BAZ2B: variants seen among roughly 807,000 people sequenced by gnomAD.
BAZ2B encodes the protein bromodomain adjacent to zinc finger domain 2B, also known as bromodomain adjacent to zinc finger domain protein 2B.
BAZ2B carries 91 observed loss-of-function variants against 246.0 expected under a neutral mutation model. The ratio of observed to expected loss-of-function variants is 0.37; its 90% CI spans 0.31 to 0.44. BAZ2B has a LOEUF of 0.44. Ranked by LOEUF, BAZ2B falls within the 20% of genes least tolerant of loss-of-function variation. BAZ2B has a pLI of 1.00. For synonymous variants in BAZ2B, 855 were observed against 860.0 expected (o/e 0.99, Z 0.10); for missense variants, 2,332 against 2,533.7 (o/e 0.92, Z 1.71).
Position 159,491,720 on chromosome 2 carries a change from CAAAAAAAAAAAAA to C in BAZ2B, c.-2-13012_-2-13000del, listed in dbSNP as rs773067675. On this transcript the variant is annotated intron_variant, in intron 2 of 36. Coordinates refer to ENST00000392783, the MANE Select transcript of BAZ2B (RefSeq NM_013450.4). ...CGGGCGACAGAGCGAGACTCCGTCT[CAAAAAAAAAAAAA>C]AAAAAAAAAAAAAGTCTTCTGTTAA... Among the ~76,000 whole-genome samples, 9 of 29,556 alleles carry C rather than the reference CAAAAAAAAAAAAA, an allele frequency of 3.0e-4. 1 individual carries two copies. Among genetic ancestry groups the C allele is most frequent in the South Asian group, 2.9e-3 (1 of 350 alleles). The allele number at this position is 29,556 out of a possible 152,430, so 19.4% of individuals were successfully genotyped here. A position where few individuals can be genotyped will look rare whatever the true frequency, so the allele number is the denominator to read the frequency against.
intron 1 of BAZ2B, among the ~76,000 whole-genome samples, chr2:159,597,463 C>T (rs1402661511): frequency 6.6e-6 from 1 of 152,214 alleles, no homozygotes; most frequent in Non-Finnish European, 1.5e-5. Context: ...TCATTATGTC[C>T]TTGATCATCT....
At chr2:159,606,411 C>G (rs144810896) in intron 1 of BAZ2B, among the ~76,000 whole-genome samples, 1 of 152,162 alleles carries the variant, frequency 6.6e-6, no homozygotes, top group East Asian at 1.9e-4. Context: ...GACTTATACA[C>G]GGCTCCTGAT....
chr2:159,466,016 T>C (rs150074813), intron 3 of BAZ2B, among the ~76,000 whole-genome samples: 26 of 152,266 alleles, frequency 1.7e-4, no homozygotes, highest in Non-Finnish European at 3.2e-4. Flanking sequence ...GTTCAGAGTA[T>C]AACATAAATA....
intron 1 of BAZ2B, among the ~76,000 whole-genome samples, chr2:159,602,872 C>T (rs1692486128): frequency 6.6e-6 from 1 of 152,198 alleles, no homozygotes; most frequent in African/African-American, 2.4e-5. Context: ...CATTGTGGCT[C>T]ACACCTATAA....
Position 159,596,362 on chromosome 2 carries a change from G to A in BAZ2B, c.-46+19880C>T, listed in dbSNP as rs776298276. On this transcript the variant is annotated intron_variant, in intron 1 of 36. Coordinates refer to ENST00000392783, the MANE Select transcript of BAZ2B (RefSeq NM_013450.4). ...TTTTAGTATTTTTATAAAAATATGC[G>A]TGACACCACAGATCCTGTTAGAAGC... 9.7e-4 allele frequency among the ~76,000 whole-genome samples: 147 copies of A among 152,038 alleles called. 5 individuals carry two copies. The highest frequency in any genetic ancestry group is 3.1e-4 in the Non-Finnish European group (21 of 68,022).
chr2:159,669,863 C>T, the BAZ2B span, among the ~76,000 whole-genome samples: 12 of 152,006 alleles, frequency 7.9e-5, no homozygotes, highest in African/African-American at 1.2e-4. Context: ...AGTATTTAGA[C>T]GTTTAATATT....
the BAZ2B span, among the ~76,000 whole-genome samples, chr2:159,704,425 C>T: frequency 1.3e-5 from 2 of 151,602 alleles, no homozygotes; most frequent in Admixed American, 1.3e-4. Flanking sequence ...CTGGAGGACA[C>T]AGAGTTACCA....
intron 1 of BAZ2B, among the ~76,000 whole-genome samples, chr2:159,593,612 C>A (rs1385788855): frequency 6.6e-6 from 1 of 152,156 alleles, no homozygotes; most frequent in Non-Finnish European, 1.5e-5. Flanking sequence ...AATTGTGTGC[C>A]ATTTTGAGTG....
At chr2:159,622,263 CAAAAAAAAA>C in the BAZ2B span, among the ~76,000 whole-genome samples, 2 of 64,982 alleles carry the variant, frequency 3.1e-5, no homozygotes, top group Non-Finnish European at 5.8e-5. Context: ...AGTACTGTCT[CAAAAAAAAA>C]AAAAAAAAAA....
intron 1 of BAZ2B, among the ~76,000 whole-genome samples, chr2:159,563,776 G>A (rs1389863971): frequency 6.6e-6 from 1 of 152,126 alleles, no homozygotes; most frequent in African/African-American, 2.4e-5. Context: ...TAATGCCACT[G>A]AATACACTTT....
At chr2:159,330,523 C>T (rs1215492495) in intron 34 of BAZ2B, among the ~76,000 whole-genome samples, 1 of 152,082 alleles carries the variant, frequency 6.6e-6, no homozygotes, top group African/African-American at 2.4e-5. Context: ...ACAATAAGAG[C>T]ACTTTTGGAG....
intron 1 of BAZ2B, among the ~76,000 whole-genome samples, chr2:159,591,568 T>C (rs1272428434): frequency 1.3e-5 from 2 of 152,136 alleles, no homozygotes; most frequent in African/African-American, 4.8e-5. Context: ...AAGAAGGAAA[T>C]TGCAGTTCAT....
At chr2:159,456,606 A>T (rs1304626923) in intron 3 of BAZ2B, among the ~76,000 whole-genome samples, 1 of 152,214 alleles carries the variant, frequency 6.6e-6, no homozygotes, top group African/African-American at 2.4e-5. Context: ...ATAGATCTGT[A>T]CACAAGAATG....
the BAZ2B span, among the ~76,000 whole-genome samples, chr2:159,661,886 C>T: frequency 1.3e-5 from 2 of 152,086 alleles, no homozygotes; most frequent in African/African-American, 4.8e-5. Flanking sequence ...GCTGGGACTA[C>T]AGGAGTAAGC....
At chr2:159,565,043 G>T (rs956832038) in intron 1 of BAZ2B, among the ~76,000 whole-genome samples, 1 of 152,094 alleles carries the variant, frequency 6.6e-6, no homozygotes, top group African/African-American at 2.4e-5. Flanking sequence ...GCTAATTTTT[G>T]TAATTTTAGT....
chr2:159,601,815 G>A (rs897904405), intron 1 of BAZ2B, among the ~76,000 whole-genome samples: 2 of 152,086 alleles, frequency 1.3e-5, no homozygotes. Flanking sequence ...CATAAAAAAA[G>A]TTTAAGTACT....
intron 2 of BAZ2B, among the ~76,000 whole-genome samples, chr2:159,552,676 T>C (rs901277394): frequency 1.3e-5 from 2 of 152,196 alleles, no homozygotes; most frequent in Non-Finnish European, 2.9e-5. Flanking sequence ...TGTATTAATA[T>C]CCTTATTTCA....
chr2:159,577,283 G>A (rs1022098620), intron 1 of BAZ2B, among the ~76,000 whole-genome samples: 5 of 152,048 alleles, frequency 3.3e-5, no homozygotes, highest in Non-Finnish European at 1.5e-5. Context: ...TGATTAAAAA[G>A]GAAAATTACA....
At chr2:159,413,837 C>T (rs1329492959) in intron 13 of BAZ2B, among the ~76,000 whole-genome samples, 1 of 151,824 alleles carries the variant, frequency 6.6e-6, no homozygotes, top group Non-Finnish European at 1.5e-5. Context: ...AGTACAACCA[C>T]TATGGAGAAC....
Sources: allele counts gnomAD v4.1 joint callset (sites outside exome capture counted in the v4.1 genomes callset), GRCh38; gene constraint gnomAD v4.1.1; transcripts MANE v1.5; gene names NCBI Gene and HGNC (gene_info 2026-07-23, HGNC 2026-07-21).